GFRAL: variants seen among roughly 807,000 people sequenced by gnomAD.
GFRAL encodes the protein GDNF family receptor alpha like.
GFRAL carries 36 observed loss-of-function variants against 45.4 expected under a neutral mutation model. The observed-to-expected ratio is 0.79, with a 90% CI of 0.61 to 1.05. The LOEUF (loss-of-function observed/expected upper bound fraction) is 1.05, where lower values mean the gene tolerates loss of function less well. GFRAL is among the 50% of genes least tolerant of loss of function. The pLI is 0.00. For missense variants in GFRAL, 507 were observed against 467.5 expected (o/e 1.08, Z -0.78); for synonymous variants, 166 against 154.1 (o/e 1.08, Z -0.57).
chr6:55,390,179 T>C (rs555280885), intron 6 of GFRAL, among the ~76,000 whole-genome samples: 1 of 152,348 alleles, frequency 6.6e-6, no homozygotes, highest in South Asian at 2.1e-4. Context: ...CACCTGCAAG[T>C]CTATTGACAG....
intron 3 of GFRAL, among the ~76,000 whole-genome samples, chr6:55,344,803 GC>G (rs1358009847): frequency 6.6e-6 from 1 of 152,148 alleles, no homozygotes; most frequent in Non-Finnish European, 1.5e-5. Context: ...CATCATCTCA[GC>G]CCAAAATCTC....
At chr6:55,344,221 C>G (rs916760966) in intron 3 of GFRAL, among the ~76,000 whole-genome samples, 2 of 152,106 alleles carry the variant, frequency 1.3e-5, no homozygotes, top group Non-Finnish European at 2.9e-5. Context: ...CAAAGCCTGG[C>G]AAAGACACAA....
At position 55,402,102 on chromosome 6, in the gene GFRAL, C is replaced by T. The variant is rs1030328872; in HGVS notation, c.*249C>T. ...AGTGATTTTCCTGCCTCAGCCTTCC[C>T]GAGTAGCTGGGATTACAGGTACCCG... On this transcript the variant is annotated 3_prime_UTR_variant, in exon 9 of 9. Coordinates refer to ENST00000340465, the MANE Select transcript of GFRAL (RefSeq NM_207410.2). 9 of 308,520 alleles carry T rather than the reference C, an allele frequency of 2.9e-5. No individual in the cohort carries two copies. The highest frequency in any genetic ancestry group is 8.9e-5 in the African/African-American group (4 of 45,004). 19.1% of individuals were successfully genotyped at this position (308,520 alleles called of 1,614,324 possible). A position where few individuals can be genotyped will look rare whatever the true frequency, so the allele number is the denominator to read the frequency against.
intron 6 of GFRAL, among the ~76,000 whole-genome samples, chr6:55,395,175 A>AAATATAT: frequency 1.1e-4 from 14 of 123,480 alleles, no homozygotes; most frequent in African/African-American, 3.5e-4. Flanking sequence ...AAAAAAAAAA[A>AAATATAT]ATATATATAT....
chr6:55,377,780 A>C (rs9475272), intron 6 of GFRAL, among the ~76,000 whole-genome samples: 17,007 of 152,022 alleles, frequency 0.11, 1,036 homozygotes, highest in African/African-American at 0.16. Flanking sequence ...AGATACTGAA[A>C]GATCCAAAAT....
chr6:55,344,921 T>A lies in GFRAL; in HGVS notation c.317-5171T>A, dbSNP rs376919586. Among the ~76,000 whole-genome samples, 228 of 152,284 alleles carry A rather than the reference T, an allele frequency of 1.5e-3. 5 individuals are homozygous for A. Among genetic ancestry groups the A allele is most frequent in the Middle Eastern group, 3.4e-3 (1 of 294 alleles). ...AATAGACAAACAGAGAGCCAAATCA[T>A]GAGTGAACTCCCATTCACAATTGTT... On this transcript the variant is annotated intron_variant, in intron 3 of 8. Transcript: ENST00000340465.
intron 3 of GFRAL, among the ~76,000 whole-genome samples, chr6:55,346,898 A>G (rs926033692): frequency 2.1e-5 from 3 of 144,164 alleles, no homozygotes; most frequent in African/African-American, 7.5e-5. Context: ...AAAGAAATTG[A>G]ACATTAACAT....
chr6:55,336,906 C>T (rs1033188891), intron 3 of GFRAL, among the ~76,000 whole-genome samples: 14 of 152,108 alleles, frequency 9.2e-5, no homozygotes, highest in South Asian at 2.1e-4. Flanking sequence ...TGGTTTTCTT[C>T]GTTTTTAAAA....
intron 6 of GFRAL, among the ~76,000 whole-genome samples, chr6:55,380,040 G>A (rs1485704893): frequency 6.6e-6 from 1 of 151,834 alleles, no homozygotes; most frequent in Non-Finnish European, 1.5e-5. Flanking sequence ...ATTTTCTTAG[G>A]TTGATTCCAT....
intron 6 of GFRAL, among the ~76,000 whole-genome samples, chr6:55,368,876 A>G (rs991768442): frequency 1.4e-4 from 21 of 152,070 alleles, no homozygotes; most frequent in Non-Finnish European, 2.8e-4. Context: ...AAGTCTGCAG[A>G]GGTTACTGCT....
At chr6:55,379,769 CCTAT>C (rs1254521114) in intron 6 of GFRAL, among the ~76,000 whole-genome samples, 25 of 151,898 alleles carry the variant, frequency 1.6e-4, no homozygotes, top group Admixed American at 1.2e-3. Context: ...ATTTTTTCTT[CCTAT>C]CTAACTGTAG....
At chr6:55,375,067 G>T (rs1768505956) in intron 6 of GFRAL, among the ~76,000 whole-genome samples, 1 of 152,096 alleles carries the variant, frequency 6.6e-6, no homozygotes, top group Non-Finnish European at 1.5e-5. Context: ...GATACCTCCA[G>T]ATTTGTTCCT....
chr6:55,363,507 T>C (rs1354402737), intron 6 of GFRAL, among the ~76,000 whole-genome samples: 3 of 151,330 alleles, frequency 2.0e-5, no homozygotes, highest in South Asian at 2.1e-4. Context: ...TACATATGTA[T>C]ACATGTGCCA....
chr6:55,343,595 C>A (rs1295440975), intron 3 of GFRAL, among the ~76,000 whole-genome samples: 1 of 152,098 alleles, frequency 6.6e-6, no homozygotes, highest in Non-Finnish European at 1.5e-5. Flanking sequence ...AAAATTGACA[C>A]CCTAACATCA....
At chr6:55,376,522 A>G (rs1250711720) in intron 6 of GFRAL, among the ~76,000 whole-genome samples, 1 of 150,996 alleles carries the variant, frequency 6.6e-6, no homozygotes, top group Non-Finnish European at 1.5e-5. Flanking sequence ...CAATTTCAGA[A>G]CTCATTATTG....
rs202021830 is a variant in GFRAL, at chr6:55,401,811, A to G, written c.1143A>G (p.Lys381=). 81 of 1,545,690 alleles carry G rather than the reference A, an allele frequency of 5.2e-5. 2 individuals are homozygous for G. In the South Asian group the frequency reaches 7.1e-4, roughly 14 times the overall value. Residue 381 remains lysine, a synonymous_variant, in exon 9 of 9, where the codon AAA becomes AAG. Coordinates refer to ENST00000340465, the MANE Select transcript of GFRAL (RefSeq NM_207410.2). ...ACAGAACTTCCAGAATATCAAGTAA[A>G]GCAAGAGATCCTTCATCGATCCAAA... ...VKLRTSRISS[K]ARDPSSIQIP...
rs191030434 is a variant in GFRAL, at chr6:55,371,918, A to G, written c.952+12780A>G. On this transcript the variant is annotated intron_variant, in intron 6 of 8. Coordinates refer to ENST00000340465, the MANE Select transcript of GFRAL (RefSeq NM_207410.2). ...TTCCCCTTTCACAGACAAATTTTCCAGAAGAGTTGCCTGGGTTTATTGTTT... is the reference window on the plus strand; with the variant it reads ...TTCCCCTTTCACAGACAAATTTTCCGGAAGAGTTGCCTGGGTTTATTGTTT... Among the ~76,000 whole-genome samples, 2 of 152,292 alleles carry G rather than the reference A, an allele frequency of 1.3e-5. 1 individual carries two copies. The highest frequency in any genetic ancestry group is 1.3e-4 in the Admixed American group (2 of 15,298).
intron 6 of GFRAL, among the ~76,000 whole-genome samples, chr6:55,387,733 G>A (rs1768697626): frequency 1.3e-5 from 2 of 152,166 alleles, no homozygotes; most frequent in Non-Finnish European, 2.9e-5. Flanking sequence ...CCATCTGCTG[G>A]AGTTCTTTTC....
chr6:55,350,025 C>A, intron 3 of GFRAL, 67 bp from the exon 4 acceptor site: 1 of 913,076 alleles, frequency 1.1e-6, no homozygotes, highest in Non-Finnish European at 1.8e-6. Flanking sequence ...ATAAATGTGG[C>A]CCACGTTTTC....
Sources: gnomAD v4.1 joint callset for allele counts (sites outside exome capture counted in the v4.1 genomes callset) on GRCh38, gnomAD v4.1.1 for gene constraint, MANE v1.5 for transcripts, NCBI Gene and HGNC (gene_info 2026-07-23, HGNC 2026-07-21) for gene names.